Variants in TYW1 observed in about 807,000 individuals in gnomAD.
TYW1 encodes tRNA-yW synthesizing protein 1 homolog.
TYW1 carries 46 observed loss-of-function variants against 96.2 expected under a neutral mutation model. The ratio of observed to expected loss-of-function variants is 0.48; its 90% CI spans 0.38 to 0.61. The LOEUF is 0.61. TYW1 is among the 20% of genes least tolerant of loss of function. TYW1 has a pLI of 0.00. For synonymous variants in TYW1, 274 were observed against 323.0 expected, an observed-to-expected ratio of 0.85 and a Z score of 1.63; for missense variants, 684 against 909.6, an observed-to-expected ratio of 0.75 and a Z score of 3.19.
At chr7:67,147,006 G>A (rs531011240) in intron 13 of TYW1, among the ~76,000 whole-genome samples, 19 of 152,002 alleles carry the variant, frequency 1.2e-4, no homozygotes, top group Non-Finnish European at 1.8e-4. Context: ...AAAATTATTT[G>A]CATAACTCTT....
intron 15 of TYW1, among the ~76,000 whole-genome samples, chr7:67,211,090 T>C (rs1348107987): frequency 1.3e-5 from 2 of 151,120 alleles, no homozygotes; most frequent in Admixed American, 1.3e-4. Context: ...TGTCCCAGCT[T>C]TGGCCATTCG....
chr7:67,211,336 G>A (rs1435473725), intron 15 of TYW1, among the ~76,000 whole-genome samples: 1 of 152,172 alleles, frequency 6.6e-6, no homozygotes, highest in Non-Finnish European at 1.5e-5. Context: ...CTGTACGTAT[G>A]CTGCCATGCT....
chr7:67,196,644 C>T (rs1336118311), intron 15 of TYW1, among the ~76,000 whole-genome samples: 1 of 136,910 alleles, frequency 7.3e-6, no homozygotes, highest in Admixed American at 7.1e-5. Context: ...ACTGGAATCA[C>T]AGCCTTCTCT....
At chr7:67,077,960 C>A (rs939377028) in intron 10 of TYW1, among the ~76,000 whole-genome samples, 1 of 152,050 alleles carries the variant, frequency 6.6e-6, no homozygotes, top group Admixed American at 6.6e-5. Context: ...GCACCTTAGT[C>A]AAAAATTGGT....
At position 67,018,453 on chromosome 7, in the gene TYW1, A is replaced by T. The variant is rs1274244837; in HGVS notation, c.861+310A>T. ...CTACGTAGGAGGTGGAGTTGGGAGG[A>T]TTGCTTGAGCCCAGGAGTTTGAGAC... On this transcript the variant is annotated intron_variant, in intron 6 of 15. Transcript: ENST00000359626. Among the ~76,000 whole-genome samples, 7 of 151,836 alleles carry T rather than the reference A, an allele frequency of 4.6e-5. No homozygotes were observed. In the East Asian group the frequency reaches 7.8e-4, roughly 17 times the overall value.
chr7:67,093,474 A>G (rs1584551187), intron 11 of TYW1, among the ~76,000 whole-genome samples: 1 of 152,118 alleles, frequency 6.6e-6, no homozygotes, highest in African/African-American at 2.4e-5. Flanking sequence ...TGCTCCTTCC[A>G]CTTTCTGAGT....
chr7:67,079,439 G>A (rs1012205740), intron 10 of TYW1, among the ~76,000 whole-genome samples: 1 of 151,150 alleles, frequency 6.6e-6, no homozygotes, highest in Non-Finnish European at 1.5e-5. Flanking sequence ...TATTTCTGTG[G>A]TATCAGTAGT....
At position 66,998,174 on chromosome 7, in the gene TYW1, C is replaced by A; in HGVS notation, c.114C>A (p.Val38=). The A allele has an allele frequency of 6.2e-7, 1 of 1,607,274 alleles. No individual in the cohort carries two copies. Among genetic ancestry groups the A allele is most frequent in the East Asian group, 2.2e-5 (1 of 44,764 alleles). Residue 38 remains valine, a synonymous_variant, in exon 2 of 16, where the codon GTC becomes GTA. Coordinates refer to ENST00000359626, the MANE Select transcript of TYW1 (RefSeq NM_018264.4). ...FAVSISLWIC[V]QIVIKTQGKN... ...TTAGCATTAGCCTTTGGATTTGTGT[C>A]CAGATTGTCATCAAGACGCAGGTAA...
chr7:67,189,447 G>A (rs1236246462), intron 14 of TYW1, among the ~76,000 whole-genome samples: 3 of 148,634 alleles, frequency 2.0e-5, no homozygotes, highest in East Asian at 2.1e-4. Flanking sequence ...GTGTATGTAT[G>A]TGTGTGTGTT....
chr7:67,032,885 C>CTT lies in TYW1; in HGVS notation c.984+7891_984+7892dup, dbSNP rs778743156. Among the ~76,000 whole-genome samples the CTT allele has an allele frequency of 3.2e-3, 241 of 76,256 alleles. 26 individuals carry two copies. Among genetic ancestry groups the CTT allele is most frequent in the African/African-American group, 3.7e-3 (61 of 16,644 alleles). 50.0% of individuals were successfully genotyped at this position (76,256 alleles called of 152,430 possible). A position where few individuals can be genotyped will look rare whatever the true frequency, so the allele number is the denominator to read the frequency against. On this transcript the variant is annotated intron_variant, in intron 7 of 15. Transcript: ENST00000359626. ...ATTTTCCAGCAGCAGAGAAGTATAC[C>CTT]TTTTTTTTTTTTTTTTTTTTTTTTT...
chr7:67,117,653 A>G (rs376345407), intron 13 of TYW1, 35 bp downstream of exon 13: 234 of 1,587,940 alleles, frequency 1.5e-4, no homozygotes, highest in Non-Finnish European at 2.0e-4. Context: ...TAAATAAACA[A>G]CCCTCAGGTG....
chr7:67,152,424 G>A lies in TYW1; in HGVS notation c.1699-30702G>A, dbSNP rs996429816. On this transcript the variant is annotated intron_variant, in intron 13 of 15. Transcript: ENST00000359626. The stretch of plus-strand genomic sequence containing the variant: ...ACTCTCTCCTTTGGGGGTTTTAGAA[G>A]ATTTTGCTCTCATTGTTTTTTTCTT... Among the ~76,000 whole-genome samples the A allele has an allele frequency of 4.6e-5, 7 of 152,142 alleles. No homozygotes were observed. The South Asian group carries it at 8.3e-4, about 18-fold the overall frequency.
intron 9 of TYW1, among the ~76,000 whole-genome samples, chr7:67,065,919 G>C (rs530269584): frequency 6.6e-6 from 1 of 151,966 alleles, no homozygotes; most frequent in African/African-American, 2.4e-5. Flanking sequence ...GCTGAGGCAG[G>C]AGAACCGCTT....
intron 9 of TYW1, among the ~76,000 whole-genome samples, chr7:67,058,349 G>A (rs1207114373): frequency 6.6e-6 from 1 of 152,054 alleles, no homozygotes; most frequent in African/African-American, 2.4e-5. Flanking sequence ...TAAACATATT[G>A]TCCCCAGACT....
At chr7:67,027,638 A>G (rs1243861659) in intron 7 of TYW1, among the ~76,000 whole-genome samples, 2 of 152,172 alleles carry the variant, frequency 1.3e-5, no homozygotes, top group East Asian at 3.8e-4. Flanking sequence ...CTCTTTCAAA[A>G]AAAGGCAGAC....
chr7:67,212,260 CTTTT>C (rs3071734), intron 15 of TYW1, among the ~76,000 whole-genome samples: 23,050 of 144,534 alleles, frequency 0.16, 1,955 homozygotes, highest in African/African-American at 0.22. Flanking sequence ...TTTTTTTAAC[CTTTT>C]TTTTTTTTAA....
intron 14 of TYW1, among the ~76,000 whole-genome samples, chr7:67,187,439 G>T (rs1290728534): frequency 6.6e-6 from 1 of 152,142 alleles, no homozygotes. Context: ...GGCACATTCA[G>T]TCATGTCATA....
At chr7:67,108,284 C>T (rs1797299953) in intron 12 of TYW1, among the ~76,000 whole-genome samples, 1 of 152,084 alleles carries the variant, frequency 6.6e-6, no homozygotes, top group Non-Finnish European at 1.5e-5. Context: ...GATTGACAGA[C>T]TACAAAGGGC....
At chr7:67,042,043 A>ATAATTATATTAGAAT (rs1554351242) in intron 7 of TYW1, among the ~76,000 whole-genome samples, 89 of 73,194 alleles carry the variant, frequency 1.2e-3, no homozygotes, top group Middle Eastern at 7.0e-3. Context: ...ATTAGAATTA[A>ATAATTATATTAGAAT]TATATAATTA....
Sources: allele counts gnomAD v4.1 joint callset (sites outside exome capture counted in the v4.1 genomes callset), GRCh38; gene constraint gnomAD v4.1.1; transcripts MANE v1.5; gene names NCBI Gene and HGNC (gene_info 2026-07-23, HGNC 2026-07-21).